NUDT12: variants seen among roughly 807,000 people sequenced by gnomAD.
NUDT12 encodes the protein NAD-capped RNA hydrolase NUDT12.
In NUDT12, 42 loss-of-function variants were observed where a neutral mutation model predicts 45.7. That is an observed-to-expected ratio of 0.92 (90% CI 0.72 to 1.19). The LOEUF is 1.19. Ranked by LOEUF, NUDT12 falls within the 50% of genes most tolerant of loss-of-function variation. The probability of loss-of-function intolerance (pLI) is 0.00; values close to 1 mark genes in which losing one functional copy is unlikely to be tolerated. For synonymous variants in NUDT12, 206 were observed against 179.7 expected (o/e 1.15, Z -1.17); for missense variants, 590 against 533.1 (o/e 1.11, Z -1.05).
Position 103,559,139 on chromosome 5 carries a change from A to G in NUDT12, c.536T>C (p.Leu179Pro). The G allele has an allele frequency of 1.3e-6, 2 of 1,578,016 alleles. No individual in the cohort carries two copies. Among genetic ancestry groups the G allele is most frequent in the Non-Finnish European group, 1.7e-6 (2 of 1,164,558 alleles). The change falls in exon 3 of 7, where the codon CTG becomes CCG. Residue 179 changes from leucine (L) to proline (P), a missense_variant. By Grantham distance (98) the Leu-to-Pro change is moderately conservative. Transcript: ENST00000230792. ...ATAATCCTTTATATCTGTGTAGTTC[A>G]GCTGACAAAGCCTAACTTCTGGCTG... ...FQQPEVRLCQ[L>P]NYTDIKDYLA...
In NUDT12 at chr5:103,550,856, T is replaced by C. The variant is rs1748633843; in HGVS notation, c.*5A>G. 6.3e-7 allele frequency: 1 copy of C among 1,578,950 alleles called. No individual in the cohort carries two copies. The highest frequency in any genetic ancestry group is 8.7e-7 in the Non-Finnish European group (1 of 1,148,380). ...TAAATAATACTCAAAGCTTAGTTCT[T>C]AGATTTAGAGATTAGGATTTATTCT... is the stretch of plus-strand genomic sequence containing the variant. On this transcript the variant is annotated 3_prime_UTR_variant, in exon 7 of 7. Coordinates refer to ENST00000230792, the MANE Select transcript of NUDT12 (RefSeq NM_031438.4).
chr5:103,559,320 T>C lies in NUDT12; in HGVS notation c.355A>G (p.Asn119Asp). 1.2e-6 allele frequency: 2 copies of C among 1,612,972 alleles called. No individual in the cohort carries two copies. The highest frequency in any genetic ancestry group is 1.7e-4 in the Middle Eastern group (1 of 6,058). Residue 119 changes from asparagine to aspartate, a missense_variant, in exon 3 of 7, where the codon AAT becomes GAT. Asn to Asp is a conservative substitution (Grantham distance 23). Coordinates refer to ENST00000230792, the MANE Select transcript of NUDT12 (RefSeq NM_031438.4). ...TCCAGTAGTGTTTTGCTAAAATAATTTTCACATTCTTCCACTTCATTCGTT... is the reference window on the plus strand; with the variant it reads ...TCCAGTAGTGTTTTGCTAAAATAATCTTCACATTCTTCCACTTCATTCGTT... ...FLTNEVEECENYFSKTLLDRK... is the reference protein window; with the variant it reads ...FLTNEVEECEDYFSKTLLDRK...
rs547275129 is a variant in NUDT12, at chr5:103,558,881, G to C, written c.794C>G (p.Ala265Gly). The C allele has an allele frequency of 9.0e-6, 14 of 1,551,628 alleles. No homozygotes were observed. In the South Asian group the frequency reaches 1.5e-4, roughly 16 times the overall value. Residue 265 changes from alanine to glycine, a missense_variant and splice_region_variant, in exon 3 of 7, where the codon GCT becomes GGT. Physicochemically the swap from Ala to Gly is moderately conservative, Grantham distance 60. Transcript: ENST00000230792. ...GAAAAGCAGCATTCATTTCTTACCAGCTTCTTTTTCTTTCAATTGCAGAAG... is the reference window on the plus strand; with the variant it reads ...GAAAAGCAGCATTCATTTCTTACCACCTTCTTTTTCTTTCAATTGCAGAAG... ...PALLQLKEKE[A>G]GVVAQARSVL...
At chr5:103,553,766 T>G (rs1387159286) in intron 5 of NUDT12, among the ~76,000 whole-genome samples, 11 of 152,036 alleles carry the variant, frequency 7.2e-5, no homozygotes, top group Non-Finnish European at 1.5e-4. Context: ...CATGAATGGA[T>G]TACTACCCAG....
chr5:103,556,411 T>C (rs1748822291), intron 3 of NUDT12, among the ~76,000 whole-genome samples: 1 of 152,084 alleles, frequency 6.6e-6, no homozygotes, highest in South Asian at 2.1e-4. Context: ...GATTCTAGTG[T>C]AGAGTAAGTT....
At position 103,560,131 on chromosome 5, in the gene NUDT12, T is replaced by C. The variant is rs755772260; in HGVS notation, c.118A>G (p.Asn40Asp). 6.2e-7 allele frequency: 1 copy of C among 1,613,110 alleles called. No homozygotes were observed. The highest frequency in any genetic ancestry group is 2.2e-5 in the East Asian group (1 of 44,844). ...GTCCAGCCATTTTCAGAAGTTTCAT[T>C]GAGAAGAGATGGAGAATGACTGAGT... ...GILSHSPSLL[N>D]ETSENGWTAL... Residue 40 changes from asparagine to aspartate, a missense_variant, in exon 2 of 7, where the codon AAT (asparagine) becomes GAT (aspartate). Physicochemically the swap from Asn to Asp is conservative, Grantham distance 23. Transcript: ENST00000230792.
rs1748590956 is a variant in NUDT12 at position 103,549,665 on chromosome 5, A to C, written c.*1196T>G. 1.3e-5 allele frequency: 2 copies of C among 152,096 alleles called. No individual in the cohort carries two copies. Among genetic ancestry groups the C allele is most frequent in the South Asian group, 4.1e-4 (2 of 4,824 alleles). 9.4% of individuals were successfully genotyped at this position (152,096 alleles called of 1,614,324 possible). A position where few individuals can be genotyped will look rare whatever the true frequency, so the allele number is the denominator to read the frequency against. On this transcript the variant is annotated 3_prime_UTR_variant, in exon 7 of 7. Transcript: ENST00000230792. Reference sequence around the variant, plus strand: ...AAGCTAATTTCATATATTATCCTTAAGGTCTCTTGTAGCTCTAGCATACAT... The same window carrying C: ...AAGCTAATTTCATATATTATCCTTACGGTCTCTTGTAGCTCTAGCATACAT...
In NUDT12 at chr5:103,549,040, A is replaced by G. The variant is rs910049679; in HGVS notation, c.*1821T>C. The G allele has an allele frequency of 2.0e-5, 3 of 152,124 alleles. No individual in the cohort carries two copies. Among genetic ancestry groups the G allele is most frequent in the Non-Finnish European group, 2.9e-5 (2 of 67,976 alleles). The allele number at this position is 152,124 out of a possible 1,614,324, so 9.4% of individuals were successfully genotyped here. A position where few individuals can be genotyped will look rare whatever the true frequency, so the allele number is the denominator to read the frequency against. On this transcript the variant is annotated 3_prime_UTR_variant, in exon 7 of 7. Transcript: ENST00000230792. ...TTTACCTAGATGCTGATTTTTTCCC[A>G]AGTAAGGATTAAATATCCAAAACAA...
rs745689177 is a variant in NUDT12, at chr5:103,558,867, T to C, written c.796+12A>G. The C allele has an allele frequency of 6.6e-7, 1 of 1,525,966 alleles. No homozygotes were observed. The highest frequency in any genetic ancestry group is 8.8e-7 in the Non-Finnish European group (1 of 1,135,374). 94.5% of individuals were successfully genotyped at this position (1,525,966 alleles called of 1,614,324 possible). A position where few individuals can be genotyped will look rare whatever the true frequency, so the allele number is the denominator to read the frequency against. ...CAGATTTTACCAATGAAAAGCAGCA[T>C]TCATTTCTTACCAGCTTCTTTTTCT... On this transcript the variant is annotated intron_variant, in intron 3 of 6. Transcript: ENST00000230792.
intron 1 of NUDT12, among the ~76,000 whole-genome samples, chr5:103,561,249 G>A (rs929295281): frequency 6.6e-6 from 1 of 152,016 alleles, no homozygotes; most frequent in African/African-American, 2.4e-5. Flanking sequence ...AAGACAGAAA[G>A]GTTATAGCCC....
rs10057908 is a variant in NUDT12, at chr5:103,549,232, T to C, written c.*1629A>G. 2.0e-5 allele frequency: 3 copies of C among 151,654 alleles called. No individual in the cohort carries two copies. The highest frequency in any genetic ancestry group is 3.0e-5 in the Non-Finnish European group (2 of 67,784). 9.4% of individuals were successfully genotyped at this position (151,654 alleles called of 1,614,324 possible). A position where few individuals can be genotyped will look rare whatever the true frequency, so the allele number is the denominator to read the frequency against. On this transcript the variant is annotated 3_prime_UTR_variant, in exon 7 of 7. Coordinates refer to ENST00000230792, the MANE Select transcript of NUDT12 (RefSeq NM_031438.4). ...ATTTCATAATAATCAAGGTACATTATTTTCCATATACTTATGTAGCTCGAA... is the reference window on the plus strand; with the variant it reads ...ATTTCATAATAATCAAGGTACATTACTTTCCATATACTTATGTAGCTCGAA...
In NUDT12 at chr5:103,552,329, G is replaced by A; in HGVS notation, c.1166C>T (p.Pro389Leu). The part of the protein sequence containing the change: ...VGHVQYVACQ[P>L]WPMPSSLMIG... ...CATTAAGGAGGAAGGCATTGGCCAT[G>A]GTTGACAAGCAACATACTGAACATG... The change falls in exon 6 of 7, where the codon CCA becomes CTA. Residue 389 changes from proline (P) to leucine (L), a missense_variant. Pro to Leu is a moderately conservative substitution (Grantham distance 98). Coordinates refer to ENST00000230792, the MANE Select transcript of NUDT12 (RefSeq NM_031438.4). The A allele has an allele frequency of 1.2e-6, 2 of 1,613,856 alleles. No homozygotes were observed. Among genetic ancestry groups the A allele is most frequent in the Non-Finnish European group, 1.7e-6 (2 of 1,179,826 alleles).
intron 5 of NUDT12, among the ~76,000 whole-genome samples, 177 bp from the exon 6 acceptor site, chr5:103,552,593 C>A (rs904595784): frequency 2.6e-5 from 4 of 152,076 alleles, no homozygotes; most frequent in African/African-American, 9.7e-5. Context: ...AAGTACATGA[C>A]CACATATAGA....
chr5:103,561,593 G>C (rs1486942598), intron 1 of NUDT12, among the ~76,000 whole-genome samples: 2 of 152,038 alleles, frequency 1.3e-5, no homozygotes, highest in Non-Finnish European at 2.9e-5. Context: ...TTCTACATAC[G>C]TTAAAAATAC....
At chr5:103,553,077 AT>A (rs1259361120) in intron 5 of NUDT12, among the ~76,000 whole-genome samples, 2 of 152,086 alleles carry the variant, frequency 1.3e-5, no homozygotes, top group African/African-American at 4.8e-5. Context: ...GTTTAGAAAC[AT>A]TTTGCTAAAT....
chr5:103,559,977 A>G, intron 2 of NUDT12, 66 bp downstream of exon 2: 2 of 1,135,482 alleles, frequency 1.8e-6, no homozygotes, highest in Non-Finnish European at 2.6e-6. Context: ...CAAAATTTTA[A>G]AGTAAATATG....
At chr5:103,562,337 T>G (rs1045091842) in intron 1 of NUDT12, among the ~76,000 whole-genome samples, 1 of 152,094 alleles carries the variant, frequency 6.6e-6, no homozygotes, top group Non-Finnish European at 1.5e-5. Context: ...CAAGACCAAT[T>G]AAGTGCCACC....
At chr5:103,559,503 A>G (rs1266471747) in intron 2 of NUDT12, 35 bp from the exon 3 acceptor site, 1 of 1,147,794 alleles carries the variant, frequency 8.7e-7, no homozygotes, top group East Asian at 2.7e-5. Context: ...GAGAAAAAGT[A>G]AAATAGGAAG....
chr5:103,559,681 C>G, intron 2 of NUDT12: 1 of 440,660 alleles, frequency 2.3e-6, no homozygotes, highest in East Asian at 3.5e-5. Context: ...TGGATACTTA[C>G]ACTTTCTGGA....
Sources: gnomAD v4.1 joint callset for allele counts (sites outside exome capture counted in the v4.1 genomes callset) on GRCh38, gnomAD v4.1.1 for gene constraint, MANE v1.5 for transcripts, NCBI Gene and HGNC (gene_info 2026-07-23, HGNC 2026-07-21) for gene names.